Variants in TSNARE1 observed in about 807,000 individuals in gnomAD.
TSNARE1 encodes t-SNARE domain-containing protein 1.
Under a neutral mutation model 62.0 loss-of-function variants are expected in TSNARE1, and 49 were observed. That is an observed-to-expected ratio of 0.79 (90% CI 0.63 to 1.00). The LOEUF (loss-of-function observed/expected upper bound fraction) is 1.00. TSNARE1 is among the 50% of genes least tolerant of loss of function. The pLI, the probability that TSNARE1 is intolerant of heterozygous loss-of-function variation, is 0.00. For synonymous variants in TSNARE1, 328 were observed against 294.4 expected (o/e 1.11, Z -1.17); for missense variants, 755 against 700.1 (o/e 1.08, Z -0.88).
intron 9 of TSNARE1, among the ~76,000 whole-genome samples, chr8:142,303,758 G>A (rs1442679463): frequency 2.0e-5 from 3 of 152,324 alleles, no homozygotes; most frequent in Non-Finnish European, 4.4e-5. Context: ...AGGATGGGGC[G>A]ACCTCACTAG....
chr8:142,320,031 G>A (rs1829242361), intron 6 of TSNARE1, among the ~76,000 whole-genome samples: 2 of 152,086 alleles, frequency 1.3e-5, no homozygotes, highest in Admixed American at 1.3e-4. Context: ...GAAGGATGCA[G>A]AAGCAGAGTG....
chr8:142,284,491 G>T lies in TSNARE1; in HGVS notation c.1291-6C>A. ...TTCACATCCAGCAAGTTGCTCTGTG[G>T]AAACAACATAGAACCACATCAGGAG... is the stretch of plus-strand genomic sequence containing the variant. On this transcript the variant is annotated splice_region_variant and splice_polypyrimidine_tract_variant and intron_variant, in intron 10 of 13. Transcript: ENST00000524325. 6.2e-7 allele frequency: 1 copy of T among 1,613,190 alleles called. No individual in the cohort carries two copies. Among genetic ancestry groups the T allele is most frequent in the Non-Finnish European group, 8.5e-7 (1 of 1,179,476 alleles).
At chr8:142,283,180 G>A (rs1380801358) in intron 11 of TSNARE1, among the ~76,000 whole-genome samples, 1 of 151,162 alleles carries the variant, frequency 6.6e-6, no homozygotes, top group Non-Finnish European at 1.5e-5. Context: ...GTCTGTCAAT[G>A]AGCGGAGGTG....
intron 11 of TSNARE1, among the ~76,000 whole-genome samples, chr8:142,282,748 C>A (rs1821815116): frequency 6.8e-6 from 1 of 146,734 alleles, no homozygotes; most frequent in South Asian, 2.1e-4. Context: ...TGTCTAAGGG[C>A]AAAGGCGGGG....
chr8:142,386,695 G>A (rs1446576691), intron 1 of TSNARE1, among the ~76,000 whole-genome samples: 2 of 152,194 alleles, frequency 1.3e-5, no homozygotes, highest in Non-Finnish European at 2.9e-5. Context: ...CACTAGTTAT[G>A]ACCTTATAGT....
chr8:142,340,444 G>A (rs1832424202), intron 4 of TSNARE1, among the ~76,000 whole-genome samples: 1 of 152,216 alleles, frequency 6.6e-6, no homozygotes, highest in Non-Finnish European at 1.5e-5. Context: ...GGGAGCTGAG[G>A]GTGGGGTGAC....
chr8:142,385,129 C>A (rs1195969415), intron 1 of TSNARE1, among the ~76,000 whole-genome samples: 1 of 151,960 alleles, frequency 6.6e-6, no homozygotes, highest in Non-Finnish European at 1.5e-5. Context: ...GGGAGGAAGG[C>A]AGGCAGGCAG....
intron 1 of TSNARE1, among the ~76,000 whole-genome samples, chr8:142,370,357 C>T (rs1415224633): frequency 6.6e-6 from 1 of 152,064 alleles, no homozygotes; most frequent in East Asian, 1.9e-4. Flanking sequence ...TCACTTGAGG[C>T]CAGAAGTTCA....
At chr8:142,255,778 A>G (rs1818449997) in intron 12 of TSNARE1, among the ~76,000 whole-genome samples, 1 of 105,984 alleles carries the variant, frequency 9.4e-6, no homozygotes, top group Non-Finnish European at 2.1e-5. Flanking sequence ...CACCACCACC[A>G]TCACCACCAT....
At chr8:142,360,317 T>C (rs1835059763) in intron 1 of TSNARE1, among the ~76,000 whole-genome samples, 1 of 150,874 alleles carries the variant, frequency 6.6e-6, no homozygotes, top group South Asian at 2.1e-4. Context: ...CTTGGGGGAG[T>C]GTGGCAAGGG....
chr8:142,297,605 G>A (rs1053689299), intron 10 of TSNARE1, among the ~76,000 whole-genome samples: 2 of 152,188 alleles, frequency 1.3e-5, no homozygotes, highest in Non-Finnish European at 2.9e-5. Context: ...GCCAGCCGAG[G>A]TGCGTAACAC....
chr8:142,304,615 G>T (rs1826356260), intron 9 of TSNARE1, among the ~76,000 whole-genome samples: 1 of 152,202 alleles, frequency 6.6e-6, no homozygotes, highest in Non-Finnish European at 1.5e-5. Context: ...CCTGGGGAGG[G>T]TCCTCAGCTT....
intron 2 of TSNARE1, among the ~76,000 whole-genome samples, chr8:142,352,114 G>C (rs1834166874): frequency 6.6e-6 from 1 of 152,256 alleles, no homozygotes. Flanking sequence ...CCAGTGAGAA[G>C]CCGGCCCGGC....
At chr8:142,379,514 C>A (rs549338406) in intron 1 of TSNARE1, among the ~76,000 whole-genome samples, 2 of 152,238 alleles carry the variant, frequency 1.3e-5, no homozygotes, top group Non-Finnish European at 2.9e-5. Flanking sequence ...GCCAGGGGCA[C>A]GATGGGGAAC....
intron 1 of TSNARE1, among the ~76,000 whole-genome samples, chr8:142,400,423 G>A: frequency 6.7e-6 from 1 of 148,652 alleles, no homozygotes; most frequent in Non-Finnish European, 1.5e-5. Context: ...TCCAGCCTGG[G>A]CAACAAGAGG....
At position 142,384,542 on chromosome 8, in the gene TSNARE1, T is replaced by C. The variant is rs150543328; in HGVS notation, c.-40+18562A>G. On this transcript the variant is annotated intron_variant, in intron 1 of 13. Coordinates refer to ENST00000524325, the MANE Select transcript of TSNARE1 (RefSeq NM_145003.5). Reference sequence around the variant, plus strand: ...AAGCCCTGGTGTATACATGGTGATATGATCATCAACAAGCATGCTAAGACT... The same window carrying C: ...AAGCCCTGGTGTATACATGGTGATACGATCATCAACAAGCATGCTAAGACT... Among the ~76,000 whole-genome samples the C allele has an allele frequency of 8.2e-4, 125 of 152,304 alleles. 1 individual carries two copies. Among genetic ancestry groups the C allele is most frequent in the Middle Eastern group, 6.8e-3 (2 of 294 alleles).
chr8:142,340,786 G>C (rs1485095503), intron 4 of TSNARE1, among the ~76,000 whole-genome samples: 3 of 152,118 alleles, frequency 2.0e-5, no homozygotes, highest in Non-Finnish European at 4.4e-5. Context: ...CAGACCCCAG[G>C]GCCACATGAC....
At chr8:142,322,985 C>T (rs770545374) in intron 6 of TSNARE1, among the ~76,000 whole-genome samples, 16 of 151,340 alleles carry the variant, frequency 1.1e-4, no homozygotes, top group Non-Finnish European at 2.2e-4. Context: ...TATGAAAGGC[C>T]GGTCTGGCCG....
rs781507994 is a variant in TSNARE1 at position 142,345,734 on chromosome 8, G to A, written c.238+9C>T. 11 of 1,590,466 alleles carry A rather than the reference G, an allele frequency of 6.9e-6. No individual in the cohort carries two copies. The highest frequency in any genetic ancestry group is 5.4e-5 in the African/African-American group (4 of 73,708). ...AGGACCCCTGAGACCCAGCGTCTGA[G>A]TGAAGTACCTCGCTTCCTGGCCCTT... On this transcript the variant is annotated intron_variant, in intron 3 of 13. Transcript: ENST00000524325.
Sources: allele counts gnomAD v4.1 joint callset (sites outside exome capture counted in the v4.1 genomes callset), GRCh38; gene constraint gnomAD v4.1.1; transcripts MANE v1.5; gene names NCBI Gene and HGNC (gene_info 2026-07-23, HGNC 2026-07-21).